RIN2: variants seen among roughly 807,000 people sequenced by gnomAD.
The protein encoded by RIN2 is RAB5 interacting protein 2.
In RIN2, 36 loss-of-function variants were observed where a neutral mutation model predicts 78.0. The observed-to-expected ratio is 0.46, with a 90% CI of 0.35 to 0.61. The LOEUF is 0.61. Ranked by LOEUF, RIN2 falls within the 20% of genes least tolerant of loss-of-function variation. The probability of loss-of-function intolerance (pLI) is 0.00; values close to 1 mark genes in which losing one functional copy is unlikely to be tolerated. For synonymous variants in RIN2, 466 were observed against 466.8 expected (o/e 1.00, Z 0.02); for missense variants, 1,087 against 1,159.7 (o/e 0.94, Z 0.91).
chr20:19,827,639 G>A (rs6136852), intron 2 of RIN2, among the ~76,000 whole-genome samples: 2,798 of 152,196 alleles, frequency 0.018, 180 homozygotes, highest in East Asian at 0.12. Context: ...AAAAGAAAAT[G>A]CCTATAGAAG....
chr20:19,971,831 TC>T (rs983790462), intron 8 of RIN2, among the ~76,000 whole-genome samples: 13 of 147,626 alleles, frequency 8.8e-5, no homozygotes, highest in African/African-American at 3.0e-4. Context: ...AGCTTCTGCC[TC>T]CCAGGTTCAA....
chr20:19,826,076 A>G (rs2036080267), intron 2 of RIN2, among the ~76,000 whole-genome samples: 2 of 150,528 alleles, frequency 1.3e-5, no homozygotes, highest in Admixed American at 1.3e-4. Flanking sequence ...TGCTCATGCT[A>G]ATATATGCAT....
At chr20:19,920,840 T>C (rs1055865427) in intron 3 of RIN2, among the ~76,000 whole-genome samples, 7 of 152,122 alleles carry the variant, frequency 4.6e-5, no homozygotes, top group African/African-American at 1.7e-4. Context: ...GTCCAGCTAA[T>C]TTTTGTATTT....
At chr20:19,916,496 C>T (rs2039690845) in intron 3 of RIN2, among the ~76,000 whole-genome samples, 2 of 152,070 alleles carry the variant, frequency 1.3e-5, no homozygotes, top group African/African-American at 4.8e-5. Context: ...GCACACACCT[C>T]TGGTTCCAGC....
intron 2 of RIN2, among the ~76,000 whole-genome samples, chr20:19,882,981 T>C (rs1215405546): frequency 6.6e-6 from 1 of 152,228 alleles, no homozygotes; most frequent in East Asian, 1.9e-4. Context: ...AGGCTATTTG[T>C]AGCTAAGTTT....
At chr20:19,982,047 G>A (rs988253461) in intron 9 of RIN2, among the ~76,000 whole-genome samples, 1 of 152,172 alleles carries the variant, frequency 6.6e-6, no homozygotes, top group African/African-American at 2.4e-5. Context: ...GCCTCATGCT[G>A]GGGACTTCAG....
At chr20:19,985,355 A>T (rs900004585) in intron 9 of RIN2, among the ~76,000 whole-genome samples, 4 of 152,226 alleles carry the variant, frequency 2.6e-5, no homozygotes, top group African/African-American at 9.6e-5. Flanking sequence ...CCTATAAATT[A>T]TTACAGTAAG....
intron 4 of RIN2, among the ~76,000 whole-genome samples, chr20:19,940,468 G>T (rs1391105490): frequency 6.6e-6 from 1 of 152,206 alleles, no homozygotes; most frequent in Non-Finnish European, 1.5e-5. Context: ...GTCTCCAGTT[G>T]TGCCTCCCTG....
chr20:19,843,749 C>T (rs10485594), intron 2 of RIN2, among the ~76,000 whole-genome samples: 8,376 of 152,014 alleles, frequency 0.055, 288 homozygotes, highest in South Asian at 0.17. Flanking sequence ...CCAGCATGCG[C>T]GAATATCAAC....
intron 3 of RIN2, among the ~76,000 whole-genome samples, chr20:19,905,293 C>G (rs1459346062): frequency 6.6e-6 from 1 of 152,178 alleles, no homozygotes; most frequent in African/African-American, 2.4e-5. Flanking sequence ...AGGATTGTCT[C>G]ATACTCTTTG....
At chr20:19,768,238 C>G (rs1414406853) in intron 1 of RIN2, among the ~76,000 whole-genome samples, 1 of 152,232 alleles carries the variant, frequency 6.6e-6, no homozygotes, top group South Asian at 2.1e-4. Context: ...AGAAGCAGAC[C>G]CCGAGGTGAG....
Position 19,960,775 on chromosome 20 carries a change from C to G in RIN2, c.427C>G (p.Pro143Ala). 2 of 1,602,012 alleles carry G rather than the reference C, an allele frequency of 1.2e-6. No homozygotes were observed. Among genetic ancestry groups the G allele is most frequent in the Non-Finnish European group, 1.7e-6 (2 of 1,174,340 alleles). The change falls in exon 6 of 13, where the codon CCA becomes GCA. Residue 143 changes from proline (P) to alanine (A), a missense_variant. By Grantham distance (27) the Pro-to-Ala change is conservative. Coordinates refer to ENST00000255006, the MANE Select transcript of RIN2 (RefSeq NM_018993.4). ...SLRLPCEFGA[P>A]LKEFAIKEST... is the part of the protein sequence containing the mutation. Reference sequence around the variant, plus strand: ...CCGCCTGCCCTGTGAATTTGGGGCCCCACTCAAGGAATTTGCCATAAAGGA... The same window carrying G: ...CCGCCTGCCCTGTGAATTTGGGGCCGCACTCAAGGAATTTGCCATAAAGGA...
At chr20:19,833,415 C>T (rs951495518) in intron 2 of RIN2, among the ~76,000 whole-genome samples, 15 of 152,122 alleles carry the variant, frequency 9.9e-5, no homozygotes, top group African/African-American at 3.4e-4. Flanking sequence ...TCCCCTCACT[C>T]CCGACTCCCC....
intron 2 of RIN2, among the ~76,000 whole-genome samples, chr20:19,826,975 G>GTTTT (rs11482314): frequency 1.7e-4 from 22 of 128,648 alleles, no homozygotes; most frequent in African/African-American, 4.5e-4. Context: ...TTGGTTTTGG[G>GTTTT]TTTTTTTTTT....
intron 1 of RIN2, among the ~76,000 whole-genome samples, chr20:19,794,119 C>CAACT (rs10626073): frequency 1.3e-5 from 2 of 152,140 alleles, no homozygotes; most frequent in South Asian, 2.1e-4. Context: ...CCCAAGATCA[C>CAACT]AAGGATCCAA....
intron 2 of RIN2, among the ~76,000 whole-genome samples, chr20:19,811,466 T>C (rs1432110986): frequency 6.6e-6 from 1 of 152,076 alleles, no homozygotes; most frequent in Non-Finnish European, 1.5e-5. Context: ...CCAGAGAGAC[T>C]TCAGGAAGAG....
At chr20:19,956,571 A>G in intron 4 of RIN2, 44 bp from the exon 5 acceptor site, 2 of 1,581,538 alleles carry the variant, frequency 1.3e-6, no homozygotes, top group South Asian at 2.3e-5. Flanking sequence ...TGTTAGGGAA[A>G]TGGTACTGCA....
At chr20:19,779,795 A>G (rs963980123) in intron 1 of RIN2, among the ~76,000 whole-genome samples, 1 of 152,224 alleles carries the variant, frequency 6.6e-6, no homozygotes, top group Non-Finnish European at 1.5e-5. Context: ...TTGCTTACAG[A>G]GCTCGAGTTA....
chr20:19,992,141 T>A, intron 10 of RIN2, 27 bp from the exon 11 acceptor site: 1 of 1,606,384 alleles, frequency 6.2e-7, no homozygotes, highest in South Asian at 1.1e-5. Flanking sequence ...GTAAAAATAT[T>A]CCATCTCCTT....
Sources: allele counts gnomAD v4.1 joint callset (sites outside exome capture counted in the v4.1 genomes callset), GRCh38; gene constraint gnomAD v4.1.1; transcripts MANE v1.5; gene names NCBI Gene and HGNC (gene_info 2026-07-23, HGNC 2026-07-21).